TP53BP2: variants seen among roughly 807,000 people sequenced by gnomAD.
TP53BP2 encodes tumor protein p53 binding protein 2, also known as apoptosis-stimulating of p53 protein 2.
Under a neutral mutation model 126.2 loss-of-function variants are expected in TP53BP2, and 62 were observed. The observed-to-expected ratio is 0.49, with a 90% CI of 0.40 to 0.61. The LOEUF (loss-of-function observed/expected upper bound fraction) is 0.61. Ranked by LOEUF, TP53BP2 falls within the 20% of genes least tolerant of loss-of-function variation. The probability of loss-of-function intolerance (pLI) is 0.00; values close to 1 mark genes in which losing one functional copy is unlikely to be tolerated. For missense variants in TP53BP2, 1,215 were observed against 1,402.8 expected (o/e 0.87, Z 2.14); for synonymous variants, 485 against 502.9 (o/e 0.96, Z 0.48).
intron 2 of TP53BP2, among the ~76,000 whole-genome samples, chr1:223,817,011 T>C (rs1438568797): frequency 6.7e-6 from 1 of 150,202 alleles, no homozygotes; most frequent in Non-Finnish European, 1.5e-5. Flanking sequence ...AATACAAAAA[T>C]TAGCTGGGTG....
rs1153941 is a variant in TP53BP2, at chr1:223,783,560, C to G, written c.3363+555G>C. Among the ~76,000 whole-genome samples, 1,181 of 152,310 alleles carry G rather than the reference C, an allele frequency of 7.8e-3. 19 individuals are homozygous for G. The highest frequency in any genetic ancestry group is 0.026 in the African/African-American group (1,093 of 41,546). On this transcript the variant is annotated intron_variant, in intron 17 of 17. Coordinates refer to ENST00000343537, the MANE Select transcript of TP53BP2 (RefSeq NM_001031685.3). The stretch of plus-strand genomic sequence containing the variant: ...ATCTATAAAGAGCTTACTGCAAAGC[C>G]CTGGAATCTGTTATTCTCGCTTTCT...
chr1:223,798,356 G>A lies in TP53BP2; in HGVS notation c.1807C>T (p.Pro603Ser), dbSNP rs772019216. 3.1e-6 allele frequency: 5 copies of A among 1,614,200 alleles called. No individual in the cohort carries two copies. The highest frequency in any genetic ancestry group is 4.2e-6 in the Non-Finnish European group (5 of 1,180,040). ...GCCACGGTCTGGGGTTTTCTGAAGG[G>A]TGGAAGTAAGGTGTCTTTGGAAGGC... ...PQPSKDTLLPPFRKPQTVAAS... is the reference protein window; with the variant it reads ...PQPSKDTLLPSFRKPQTVAAS... The change falls in exon 12 of 18, where the codon CCC becomes TCC. Residue 603 changes from proline to serine, a missense_variant. Around this residue, in one of 4 missense-constraint regions of TP53BP2, gnomAD observed 814 missense variants for 853.0 expected, o/e 0.95. Coordinates refer to ENST00000343537, the MANE Select transcript of TP53BP2 (RefSeq NM_001031685.3).
chr1:223,790,556 C>CA (rs1254760811), intron 15 of TP53BP2, among the ~76,000 whole-genome samples: 13 of 146,236 alleles, frequency 8.9e-5, no homozygotes, highest in South Asian at 2.1e-4. Context: ...GACCCTGACT[C>CA]AAAAAAAACA....
intron 13 of TP53BP2, among the ~76,000 whole-genome samples, chr1:223,795,266 A>G (rs980701877): frequency 1.3e-5 from 2 of 152,222 alleles, no homozygotes; most frequent in Non-Finnish European, 2.9e-5. Flanking sequence ...GACTTCGTTG[A>G]AGGGGAGGAA....
intron 1 of TP53BP2, among the ~76,000 whole-genome samples, chr1:223,831,516 T>TATATAC (rs1663730832): frequency 7.8e-6 from 1 of 127,500 alleles, no homozygotes; most frequent in Non-Finnish European, 1.6e-5. Flanking sequence ...TATATATATA[T>TATATAC]ACTGACCTGT....
At chr1:223,805,004 T>C (rs1301420698) in intron 5 of TP53BP2, among the ~76,000 whole-genome samples, 1 of 152,252 alleles carries the variant, frequency 6.6e-6, no homozygotes, top group Admixed American at 6.5e-5. Flanking sequence ...CTGAAATTGT[T>C]TCTTTCCCCT....
intron 1 of TP53BP2, 84 bp downstream of exon 1, chr1:223,845,570 G>C (rs1028709747): frequency 5.8e-6 from 8 of 1,384,070 alleles, no homozygotes; most frequent in African/African-American, 4.7e-5. Flanking sequence ...CTCCTTCCCC[G>C]ACGCGCCCGA....
chr1:223,795,908 G>A lies in TP53BP2; in HGVS notation c.2631C>T (p.Pro877=). The A allele has an allele frequency of 6.2e-7, 1 of 1,613,650 alleles. No homozygotes were observed. Among genetic ancestry groups the A allele is most frequent in the East Asian group, 2.2e-5 (1 of 44,858 alleles). The part of the protein sequence containing the change: ...VYLEEYPPYP[P]PPYPSGEPEG... ...CAGGCTCCCCAGATGGGTATGGTGG[G>A]GGTGGGTATGGAGGGTACTCCTCCA... Residue 877 remains proline, a synonymous_variant, in exon 13 of 18, where the codon CCC becomes CCT. Coordinates refer to ENST00000343537, the MANE Select transcript of TP53BP2 (RefSeq NM_001031685.3).
Position 223,796,634 on chromosome 1 carries a change from A to G in TP53BP2, c.1949-44T>C, listed in dbSNP as rs751539182. On this transcript the variant is annotated intron_variant, in intron 12 of 17. Transcript: ENST00000343537. The surrounding 1 kb of genome is among the most constrained non-coding windows in gnomAD (Gnocchi z 4.2). ...AAAAAAGCCCTCATTAGCATTAATT[A>G]AACAAAACTGGCAAGAAACAGAAAC... 5.3e-6 allele frequency: 8 copies of G among 1,515,126 alleles called. No individual in the cohort carries two copies. The highest frequency in any genetic ancestry group is 7.0e-6 in the Non-Finnish European group (8 of 1,139,722). The allele number at this position is 1,515,126 out of a possible 1,614,324, so 93.9% of individuals were successfully genotyped here. A position where few individuals can be genotyped will look rare whatever the true frequency, so the allele number is the denominator to read the frequency against.
rs138157682 is a variant in TP53BP2, at chr1:223,792,272, C to T, written c.2996+117G>A. On this transcript the variant is annotated intron_variant, in intron 15 of 17. Transcript: ENST00000343537. ...ATACCACATTTCTCCAGCTAGATTACAAGCAGCTCAAGGACATAACTGACA... is the reference window on the plus strand; with the variant it reads ...ATACCACATTTCTCCAGCTAGATTATAAGCAGCTCAAGGACATAACTGACA... 1.9e-3 allele frequency: 2,191 copies of T among 1,164,570 alleles called. 22 individuals carry two copies. In the African/African-American group the frequency reaches 0.019, roughly 10 times the overall value. The allele number at this position is 1,164,570 out of a possible 1,614,324, so 72.1% of individuals were successfully genotyped here.
intron 14 of TP53BP2, 115 bp downstream of exon 14, chr1:223,793,188 G>T: frequency 3.5e-4 from 254 of 733,722 alleles, no homozygotes; most frequent in East Asian, 5.1e-4. Context: ...TTTCTAATTA[G>T]AGCTTTAAAA....
intron 17 of TP53BP2, 124 bp downstream of exon 17, chr1:223,783,991 T>G: frequency 1.2e-6 from 1 of 826,344 alleles, no homozygotes; most frequent in Non-Finnish European, 2.0e-6. Flanking sequence ...ACTATCAAAA[T>G]GTTTAAATTC....
chr1:223,845,327 A>T, intron 1 of TP53BP2: 1 of 893,640 alleles, frequency 1.1e-6, no homozygotes, highest in Non-Finnish European at 1.3e-6. Flanking sequence ...GACCTTCAAG[A>T]ACTGCAAAAA....
Position 223,796,411 on chromosome 1 carries a change from G to C in TP53BP2, c.2128C>G (p.Pro710Ala), listed in dbSNP as rs1662323711. ...PRPLSPTKLL[P>A]FLSNPYRNQS... is the part of the protein sequence containing the mutation. ...TTTCGGTAAGGATTAGATAAGAAAG[G>C]CAGTAATTTAGTTGGGCTGAGTGGC... is the stretch of plus-strand genomic sequence containing the variant. The change falls in exon 13 of 18, where the codon CCT becomes GCT. Residue 710 changes from proline (P) to alanine (A), a missense_variant. Physicochemically the swap from Pro to Ala is conservative, Grantham distance 27 (BLOSUM62 -1). Around this residue, in one of 4 missense-constraint regions of TP53BP2, gnomAD observed 46 missense variants for 93.0 expected, o/e 0.49. Coordinates refer to ENST00000343537, the MANE Select transcript of TP53BP2 (RefSeq NM_001031685.3). This position sits in a 1 kb window ranked among gnomAD's most constrained non-coding sequence, Gnocchi z 4.2. The C allele has an allele frequency of 6.2e-7, 1 of 1,614,050 alleles. No homozygotes were observed. The highest frequency in any genetic ancestry group is 8.5e-7 in the Non-Finnish European group (1 of 1,180,036).
intron 1 of TP53BP2, among the ~76,000 whole-genome samples, chr1:223,831,478 AAAATATATATATATATATATATATAT>A (rs1404316589): frequency 2.3e-5 from 1 of 43,620 alleles, no homozygotes; most frequent in Non-Finnish European, 4.9e-5. Flanking sequence ...AAAAAAAAAA[AAAATATATATATATATATATATATAT>A]ATATATATAT....
chr1:223,833,301 C>G (rs959154786), intron 1 of TP53BP2, among the ~76,000 whole-genome samples: 1 of 152,176 alleles, frequency 6.6e-6, no homozygotes, highest in African/African-American at 2.4e-5. Context: ...AAAGCAAAAT[C>G]ATAAAGTCAT....
intron 4 of TP53BP2, 97 bp from the exon 5 acceptor site, chr1:223,807,044 C>G: frequency 1.3e-6 from 1 of 767,516 alleles, no homozygotes; most frequent in Non-Finnish European, 2.1e-6. Flanking sequence ...TTCATATGAA[C>G]CAACTATGAC....
chr1:223,820,259 C>T (rs1287703703), intron 2 of TP53BP2, among the ~76,000 whole-genome samples: 2 of 152,110 alleles, frequency 1.3e-5, no homozygotes, highest in African/African-American at 4.8e-5. Context: ...GAAAATGGTA[C>T]CAGATAAGAG....
chr1:223,785,218 T>C (rs946018035), intron 16 of TP53BP2, among the ~76,000 whole-genome samples: 2 of 152,252 alleles, frequency 1.3e-5, no homozygotes, highest in Admixed American at 6.5e-5. Flanking sequence ...AGCTTTTGAA[T>C]AGTTAGCTTT....
Sources: allele counts gnomAD v4.1 joint callset (sites outside exome capture counted in the v4.1 genomes callset), GRCh38; gene constraint gnomAD v4.1.1; regional missense constraint gnomAD v4.1.1; non-coding constraint Gnocchi (gnomAD v3.1); transcripts MANE v1.5; gene names NCBI Gene and HGNC (gene_info 2026-07-23, HGNC 2026-07-21).